MAGI2: variants seen among roughly 807,000 people sequenced by gnomAD.
MAGI2 encodes membrane associated guanylate kinase, WW and PDZ domain containing 2.
In MAGI2, 35 loss-of-function variants were observed where a neutral mutation model predicts 133.3. That is an observed-to-expected ratio of 0.26 (90% confidence interval 0.20 to 0.35). The LOEUF is 0.35. MAGI2 is among the 10% of genes least tolerant of loss of function. The pLI is 1.00. For synonymous variants in MAGI2, 729 were observed against 710.6 expected, an observed-to-expected ratio of 1.03 and a Z score of -0.41; for missense variants, 1,636 against 1,863.4, an observed-to-expected ratio of 0.88 and a Z score of 2.25.
chr7:79,184,705 T>C (rs1043989474), intron 1 of MAGI2, among the ~76,000 whole-genome samples: 1 of 151,836 alleles, frequency 6.6e-6, no homozygotes, highest in East Asian at 1.9e-4. Context: ...AGTAGGTTAC[T>C]AATATTTGCA....
In MAGI2 at chr7:79,180,852, A is replaced by C. The variant is rs191800865; in HGVS notation, c.302-173646T>G. ...GTACAGGCATTGGGTAAATATGCCA[A>C]TTTGGAGAAATTGATCAAAACAAAA... On this transcript the variant is annotated intron_variant, in intron 1 of 21. Transcript: ENST00000354212. 1.7e-3 allele frequency among the ~76,000 whole-genome samples: 260 copies of C among 152,088 alleles called. 3 individuals carry two copies. Among genetic ancestry groups the C allele is most frequent in the African/African-American group, 5.7e-3 (236 of 41,430 alleles).
chr7:78,780,511 A>G (rs563009516), intron 2 of MAGI2, among the ~76,000 whole-genome samples: 1 of 152,250 alleles, frequency 6.6e-6, no homozygotes, highest in African/African-American at 2.4e-5. Context: ...CAAATTAGGC[A>G]GATTACTAGT....
At chr7:79,263,418 T>C (rs1528280) in intron 1 of MAGI2, among the ~76,000 whole-genome samples, 92,637 of 151,860 alleles carry the variant, frequency 0.61, 29,666 homozygotes, top group Non-Finnish European at 0.71. Flanking sequence ...CATCCTGGTT[T>C]CCCAGCTGAC....
intron 2 of MAGI2, among the ~76,000 whole-genome samples, chr7:78,709,264 C>T (rs1213335125): frequency 6.6e-6 from 1 of 152,036 alleles, no homozygotes; most frequent in African/African-American, 2.4e-5. Flanking sequence ...TCCCTGTCCC[C>T]ACCTGCAACA....
chr7:78,181,640 A>G (rs1827198447), intron 13 of MAGI2, among the ~76,000 whole-genome samples: 1 of 152,182 alleles, frequency 6.6e-6, no homozygotes, highest in South Asian at 2.1e-4. Context: ...AAAGCATCTC[A>G]TGATCCTCTT....
intron 1 of MAGI2, among the ~76,000 whole-genome samples, chr7:79,315,335 T>G (rs939495024): frequency 1.1e-5 from 1 of 91,660 alleles, no homozygotes; most frequent in Non-Finnish European, 2.9e-5. Context: ...ATTTTTTTTT[T>G]TTTTTTTTTT....
intron 2 of MAGI2, among the ~76,000 whole-genome samples, chr7:78,666,595 A>G (rs1813617061): frequency 6.6e-6 from 1 of 152,166 alleles, no homozygotes; most frequent in South Asian, 2.1e-4. Context: ...CACTGGCAAA[A>G]GCTCTCATCT....
intron 6 of MAGI2, chr7:78,486,754 C>T: frequency 2.4e-6 from 1 of 421,338 alleles, no homozygotes; most frequent in Admixed American, 2.7e-5. Context: ...CCATGGCCTC[C>T]TGCAATGTGA....
chr7:78,104,918 A>G (rs1350803975), intron 20 of MAGI2, among the ~76,000 whole-genome samples: 1 of 152,198 alleles, frequency 6.6e-6, no homozygotes, highest in Non-Finnish European at 1.5e-5. Flanking sequence ...TTAAACAACA[A>G]TAGTAAATAA....
At chr7:78,400,658 G>A (rs1796775231) in intron 6 of MAGI2, among the ~76,000 whole-genome samples, 2 of 152,112 alleles carry the variant, frequency 1.3e-5, no homozygotes, top group South Asian at 2.1e-4. Flanking sequence ...GATGAGCAGC[G>A]TTAATTCTGA....
chr7:79,170,489 G>A (rs545702957), intron 1 of MAGI2, among the ~76,000 whole-genome samples: 2 of 151,850 alleles, frequency 1.3e-5, no homozygotes, highest in Non-Finnish European at 2.9e-5. Context: ...ATACTATAAA[G>A]TATTGAATCA....
chr7:79,079,434 T>C (rs1317599959), intron 1 of MAGI2, among the ~76,000 whole-genome samples: 2 of 152,184 alleles, frequency 1.3e-5, no homozygotes, highest in African/African-American at 2.4e-5. Flanking sequence ...TCTGGTCTAA[T>C]TGCTACACAT....
intron 6 of MAGI2, among the ~76,000 whole-genome samples, chr7:78,440,845 C>T (rs1046010950): frequency 1.1e-4 from 17 of 151,896 alleles, no homozygotes; most frequent in African/African-American, 3.6e-4. Flanking sequence ...CCCAGCCACT[C>T]GGGAGGCTGA....
intron 21 of MAGI2, chr7:78,026,091 A>C (rs534625929): frequency 6.5e-6 from 1 of 152,744 alleles, no homozygotes; most frequent in Non-Finnish European, 1.5e-5. Flanking sequence ...AGTTCTAGCC[A>C]GTTTGGATCT....
intron 1 of MAGI2, among the ~76,000 whole-genome samples, chr7:79,304,202 T>TGTGTGTGTGTGTGTG (rs71095393): frequency 6.8e-6 from 1 of 146,292 alleles, no homozygotes; most frequent in Non-Finnish European, 1.5e-5. Context: ...TGTGTGTGTG[T>TGTGTGTGTGTGTGTG]CTGTGTGTGT....
chr7:78,867,679 T>A (rs1045007647), intron 2 of MAGI2, among the ~76,000 whole-genome samples: 1 of 150,296 alleles, frequency 6.7e-6, no homozygotes, highest in African/African-American at 2.5e-5. Context: ...ACCCTAAAAC[T>A]TAAAGTATAA....
chr7:78,932,511 T>TA lies in MAGI2; in HGVS notation c.418+74578dup, dbSNP rs201473508. ...GTAAAGAACAGAAGTTAATGAAAAA[T>TA]AAAAAAAAAAACACTGCATAAAGCT... On this transcript the variant is annotated intron_variant, in intron 2 of 21. Coordinates refer to ENST00000354212, the MANE Select transcript of MAGI2 (RefSeq NM_012301.4). Among the ~76,000 whole-genome samples the TA allele has an allele frequency of 7.0e-3, 994 of 141,266 alleles. 5 individuals are homozygous for TA. Among genetic ancestry groups the TA allele is most frequent in the East Asian group, 0.035 (171 of 4,864 alleles). 92.7% of individuals were successfully genotyped at this position (141,266 alleles called of 152,430 possible). A position where few individuals can be genotyped will look rare whatever the true frequency, so the allele number is the denominator to read the frequency against.
chr7:79,060,980 T>C (rs1161358014), intron 1 of MAGI2, among the ~76,000 whole-genome samples: 1 of 152,110 alleles, frequency 6.6e-6, no homozygotes, highest in Admixed American at 6.6e-5. Flanking sequence ...GGAGGTTATA[T>C]TGTTGAGCCT....
chr7:79,097,024 A>G (rs956626642), intron 1 of MAGI2, among the ~76,000 whole-genome samples: 19 of 152,352 alleles, frequency 1.2e-4, no homozygotes, highest in African/African-American at 4.3e-4. Flanking sequence ...AAAGGCCATA[A>G]AATGACAAAG....
Sources: gnomAD v4.1 joint callset for allele counts (sites outside exome capture counted in the v4.1 genomes callset) on GRCh38, gnomAD v4.1.1 for gene constraint, MANE v1.5 for transcripts, NCBI Gene and HGNC (gene_info 2026-07-23, HGNC 2026-07-21) for gene names.